The following EPHX2 variants were observed in gnomAD, a reference collection of about 807,000 sequenced individuals.
EPHX2 encodes epoxide hydrolase 2, also known as bifunctional epoxide hydrolase 2.
In EPHX2, 74 loss-of-function variants were observed where a neutral mutation model predicts 78.7. The ratio of observed to expected loss-of-function variants is 0.94; its 90% CI spans 0.78 to 1.14. EPHX2 has a LOEUF of 1.14. Ranked by LOEUF, EPHX2 falls within the 50% of genes most tolerant of loss-of-function variation. The pLI, the probability that EPHX2 is intolerant of heterozygous loss-of-function variation, is 0.00. For missense variants in EPHX2, 715 were observed against 702.5 expected, an observed-to-expected ratio of 1.02 and a Z score of -0.20; for synonymous variants, 251 against 255.2, an observed-to-expected ratio of 0.98 and a Z score of 0.16.
At chr8:27,536,759 C>T in intron 12 of EPHX2, 25 bp from the exon 13 acceptor site, 1 of 1,612,152 alleles carries the variant, frequency 6.2e-7, no homozygotes, top group Non-Finnish European at 8.5e-7. Context: ...GGGGGTCCTT[C>T]ATTTTGCTTT....
chr8:27,521,576 C>T (rs905063298), intron 10 of EPHX2, among the ~76,000 whole-genome samples: 9 of 152,116 alleles, frequency 5.9e-5, no homozygotes, highest in South Asian at 2.1e-4. Context: ...ACCAGCAGGG[C>T]GCTGTGCCTG....
intron 12 of EPHX2, 74 bp downstream of exon 12, chr8:27,525,547 C>T (rs1032381870): frequency 1.6e-6 from 2 of 1,256,720 alleles, no homozygotes; most frequent in Non-Finnish European, 2.3e-6. Context: ...TTCTTATTTG[C>T]TTTATCACTG....
intron 12 of EPHX2, among the ~76,000 whole-genome samples, chr8:27,535,389 G>T (rs911817102): frequency 6.6e-6 from 1 of 151,984 alleles, no homozygotes; most frequent in Non-Finnish European, 1.5e-5. Context: ...TGGCCAGGCC[G>T]GTCTCAAACT....
At chr8:27,534,989 A>G (rs1815165708) in intron 12 of EPHX2, among the ~76,000 whole-genome samples, 1 of 152,186 alleles carries the variant, frequency 6.6e-6, no homozygotes. Flanking sequence ...TAAACCAGGG[A>G]GGCCAGCGAG....
chr8:27,540,517 C>G (rs774310375), intron 14 of EPHX2, 37 bp from the exon 15 acceptor site: 7 of 1,595,662 alleles, frequency 4.4e-6, no homozygotes, highest in Non-Finnish European at 4.3e-6. Flanking sequence ...ACACCTGGCC[C>G]GGGGATGGGA....
intron 3 of EPHX2, among the ~76,000 whole-genome samples, chr8:27,504,451 T>C (rs546869685): frequency 1.3e-5 from 2 of 152,294 alleles, no homozygotes; most frequent in South Asian, 4.2e-4. Flanking sequence ...ACTTCTCTAG[T>C]TTTGAAATAG....
chr8:27,500,245 C>A (rs1320247030), intron 1 of EPHX2, among the ~76,000 whole-genome samples: 1 of 152,058 alleles, frequency 6.6e-6, no homozygotes, highest in Non-Finnish European at 1.5e-5. Flanking sequence ...GTGTGTAGCA[C>A]TTACCTCTTC....
chr8:27,528,816 G>A (rs150454527), intron 12 of EPHX2, among the ~76,000 whole-genome samples: 247 of 152,194 alleles, frequency 1.6e-3, no homozygotes, highest in African/African-American at 5.8e-3. Context: ...TATTATTTGA[G>A]ACAGAGTCTC....
rs1218174596 is a variant in EPHX2 at position 27,501,002 on chromosome 8, C to CT, written c.181dup (p.Ser61PhefsTer19). On this transcript the variant is annotated frameshift_variant, in exon 2 of 19. Transcript: ENST00000521400. LOFTEE classifies it high-confidence loss of function. ...CCGGCTTATGAAAGGAGAGATCACA[C>CT]TTTCCCAGGTGAGGGGACATCACCA... The CT allele has an allele frequency of 1.9e-6, 3 of 1,613,336 alleles. No homozygotes were observed. Among genetic ancestry groups the CT allele is most frequent in the Non-Finnish European group, 2.5e-6 (3 of 1,179,584 alleles).
At chr8:27,493,015 C>A in intron 1 of EPHX2, 1 of 154,972 alleles carries the variant, frequency 6.5e-6, no homozygotes, top group South Asian at 1.9e-4. Flanking sequence ...CTAGGCCAGT[C>A]AAAGGGCCAG....
chr8:27,506,807 A>T (rs1420036943), intron 4 of EPHX2, 65 bp from the exon 5 acceptor site: 1 of 1,577,818 alleles, frequency 6.3e-7, no homozygotes, highest in Non-Finnish European at 8.6e-7. Context: ...CTCATCATAA[A>T]ATAGCCCCTG....
At chr8:27,537,303 G>T (rs1815245573) in intron 13 of EPHX2, among the ~76,000 whole-genome samples, 2 of 152,044 alleles carry the variant, frequency 1.3e-5, no homozygotes, top group Admixed American at 1.3e-4. Flanking sequence ...ATCACTTCTT[G>T]CATCTCACTC....
In EPHX2 at chr8:27,541,521, T is replaced by A. The variant is rs543765722; in HGVS notation, c.1428T>A (p.Ala476=). The change falls in exon 16 of 19, where the codon GCT becomes GCA. Residue 476 remains alanine (A), a synonymous_variant. Coordinates refer to ENST00000521400, the MANE Select transcript of EPHX2 (RefSeq NM_001979.6). ...YRNMERNWKW[A]CKSLGRKILI... ...ACATGGAAAGGAACTGGAAGTGGGC[T>A]TGCAAAAGCTTGGGACGGAAGGTGA... 1.2e-5 allele frequency: 19 copies of A among 1,614,248 alleles called. No individual in the cohort carries two copies. The Admixed American group carries it at 2.7e-4, about 23-fold the overall frequency.
At chr8:27,525,112 G>GCA (rs1554523135) in intron 11 of EPHX2, among the ~76,000 whole-genome samples, 32 of 147,872 alleles carry the variant, frequency 2.2e-4, no homozygotes, top group African/African-American at 5.7e-4. Flanking sequence ...GTGTGTGCGC[G>GCA]CGCGCGCGCG....
In EPHX2 at chr8:27,525,212, G is replaced by GAAA; in HGVS notation, c.1059-149_1059-148insAAA. 5 of 662,528 alleles carry GAAA rather than the reference G, an allele frequency of 7.5e-6. No individual in the cohort carries two copies. In the East Asian group the frequency reaches 1.3e-4, roughly 18 times the overall value. The allele number at this position is 662,528 out of a possible 1,614,324, so 41.0% of individuals were successfully genotyped here. The stretch of plus-strand genomic sequence containing the variant: ...CTAGGAATCGAAAATCCTGAGTTCT[G>GAAA]ATCCCATTCTCCCATTCACTGCTAG... On this transcript the variant is annotated intron_variant, in intron 11 of 18. Transcript: ENST00000521400.
intron 6 of EPHX2, 97 bp downstream of exon 6, chr8:27,512,007 A>G (rs1244308177): frequency 1.7e-6 from 2 of 1,208,474 alleles, no homozygotes; most frequent in African/African-American, 3.0e-5. Context: ...TGTGAGGATC[A>G]CCTGAACCTG....
chr8:27,514,131 A>G lies in EPHX2; in HGVS notation c.736-1587A>G, dbSNP rs181030916. Among the ~76,000 whole-genome samples the G allele has an allele frequency of 9.2e-5, 14 of 151,938 alleles. No individual in the cohort carries two copies. The East Asian group carries it at 2.7e-3, about 29-fold the overall frequency. On this transcript the variant is annotated intron_variant, in intron 6 of 18. Coordinates refer to ENST00000521400, the MANE Select transcript of EPHX2 (RefSeq NM_001979.6). Reference sequence around the variant, plus strand: ...CCAGGAGTTCGAGACCAGCCTGGGCAACATAGTGAGACCCCCCATCTCTAA... The same window carrying G: ...CCAGGAGTTCGAGACCAGCCTGGGCGACATAGTGAGACCCCCCATCTCTAA...
chr8:27,498,583 G>T (rs1486134348), intron 1 of EPHX2, among the ~76,000 whole-genome samples: 3 of 152,028 alleles, frequency 2.0e-5, no homozygotes, highest in Non-Finnish European at 1.5e-5. Context: ...GTAGTTATTT[G>T]TTTATACCTT....
intron 6 of EPHX2, 48 bp downstream of exon 6, chr8:27,511,958 C>T (rs769861229): frequency 8.2e-6 from 13 of 1,579,740 alleles, no homozygotes; most frequent in Non-Finnish European, 9.6e-6. Flanking sequence ...CCCACCAGGT[C>T]ACCTAAAACG....
Sources: gnomAD v4.1 joint callset for allele counts (sites outside exome capture counted in the v4.1 genomes callset) on GRCh38, gnomAD v4.1.1 for gene constraint, MANE v1.5 for transcripts, NCBI Gene and HGNC (gene_info 2026-07-23, HGNC 2026-07-21) for gene names.